The following UNC13C variants were observed in gnomAD, a reference collection of about 807,000 sequenced individuals.
UNC13C encodes the protein protein unc-13 homolog C.
In UNC13C, 174 loss-of-function variants were observed where a neutral mutation model predicts 245.4. The observed-to-expected ratio is 0.71, with a 90% CI of 0.63 to 0.80. The LOEUF (loss-of-function observed/expected upper bound fraction) is 0.80, where lower values mean the gene tolerates loss of function less well. Ranked by LOEUF, UNC13C falls within the 30% of genes least tolerant of loss-of-function variation. The pLI is 0.00. For missense variants in UNC13C, 2,829 were observed against 2,602.9 expected, an observed-to-expected ratio of 1.09 and a Z score of -1.89; for synonymous variants, 992 against 895.1, an observed-to-expected ratio of 1.11 and a Z score of -1.93.
chr15:54,385,217 G>A (rs539043802), intron 17 of UNC13C, among the ~76,000 whole-genome samples: 62 of 152,174 alleles, frequency 4.1e-4, no homozygotes, highest in Middle Eastern at 6.8e-3. Flanking sequence ...CATGGTGAAC[G>A]ATGCCCACTT....
At chr15:54,274,747 A>C (rs1056907273) in intron 10 of UNC13C, among the ~76,000 whole-genome samples, 2 of 138,720 alleles carry the variant, frequency 1.4e-5, no homozygotes, top group Non-Finnish European at 3.0e-5. Context: ...TCTCGGCTCA[A>C]TGCAAGCTCC....
At chr15:54,055,206 A>G (rs751282363) in intron 2 of UNC13C, among the ~76,000 whole-genome samples, 15 of 152,196 alleles carry the variant, frequency 9.9e-5, no homozygotes, top group Non-Finnish European at 1.8e-4. Flanking sequence ...ATCAGTTACA[A>G]TAACTCATTT....
chr15:54,512,739 T>C (rs1361994811), intron 24 of UNC13C, among the ~76,000 whole-genome samples: 1 of 152,162 alleles, frequency 6.6e-6, no homozygotes, highest in Non-Finnish European at 1.5e-5. Flanking sequence ...GGAAAGTTTA[T>C]GAGATGTGCG....
At chr15:53,925,621 G>C in the UNC13C span, among the ~76,000 whole-genome samples, 8,149 of 152,154 alleles carry the variant, frequency 0.054, 428 homozygotes, top group African/African-American at 0.13. Context: ...TATCTCTTTT[G>C]TTTACATTTT....
intron 13 of UNC13C, among the ~76,000 whole-genome samples, chr15:54,314,343 G>A (rs1294140080): frequency 2.6e-5 from 4 of 151,768 alleles, no homozygotes; most frequent in African/African-American, 7.2e-5. Context: ...TAGTGCAAAT[G>A]TTAATTAGCT....
chr15:54,023,033 T>G (rs961013649), intron 2 of UNC13C, among the ~76,000 whole-genome samples: 3 of 152,190 alleles, frequency 2.0e-5, no homozygotes. Context: ...AGTGTTTAAG[T>G]GTATTCTGGT....
chr15:54,413,408 A>T (rs531441277), intron 18 of UNC13C, among the ~76,000 whole-genome samples: 52 of 152,152 alleles, frequency 3.4e-4, no homozygotes, highest in Non-Finnish European at 6.3e-4. Flanking sequence ...CATATTAATT[A>T]CATAAAATCT....
At chr15:54,290,344 G>A (rs1178607894) in intron 10 of UNC13C, among the ~76,000 whole-genome samples, 4 of 151,946 alleles carry the variant, frequency 2.6e-5, no homozygotes, top group African/African-American at 9.7e-5. Context: ...GAAATGCTCT[G>A]TGCTATTGTT....
At chr15:54,177,770 G>C (rs1451601953) in intron 4 of UNC13C, among the ~76,000 whole-genome samples, 1 of 151,924 alleles carries the variant, frequency 6.6e-6, no homozygotes, top group Non-Finnish European at 1.5e-5. Context: ...ATCTATAGTT[G>C]TTACTCTGTA....
chr15:54,049,299 A>G, intron 2 of UNC13C: 1 of 524,060 alleles, frequency 1.9e-6, no homozygotes, highest in Non-Finnish European at 3.8e-6. Context: ...TTGGAGATGA[A>G]ATAAAGGGCC....
At chr15:54,169,295 TTC>T (rs2033296559) in intron 4 of UNC13C, among the ~76,000 whole-genome samples, 1 of 152,242 alleles carries the variant, frequency 6.6e-6, no homozygotes, top group Non-Finnish European at 1.5e-5. Context: ...ACGTTTACAT[TTC>T]TCTTAGTCAT....
At chr15:54,205,459 A>G (rs904631188) in intron 4 of UNC13C, among the ~76,000 whole-genome samples, 2 of 152,160 alleles carry the variant, frequency 1.3e-5, no homozygotes, top group South Asian at 4.1e-4. Flanking sequence ...GTTAATGGTA[A>G]AGAAAAATGA....
upstream of UNC13C, among the ~76,000 whole-genome samples, chr15:53,976,176 C>A (rs1291272121): frequency 6.6e-6 from 1 of 152,136 alleles, no homozygotes; most frequent in Admixed American, 6.5e-5. Context: ...TTATTAGCAG[C>A]CAGAGTCCCT....
At position 54,263,882 on chromosome 15, in the gene UNC13C, G is replaced by A. The variant is rs185737893; in HGVS notation, c.3449-286G>A. 2.1e-3 allele frequency among the ~76,000 whole-genome samples: 325 copies of A among 152,090 alleles called. 1 individual carries two copies. The highest frequency in any genetic ancestry group is 7.5e-3 in the African/African-American group (311 of 41,496). The stretch of plus-strand genomic sequence containing the variant: ...GTTTGCTGCTTTTGAATTCTTTTTA[G>A]AAAATTTAAACCAAATTTTTGCACA... On this transcript the variant is annotated intron_variant, in intron 8 of 32. Transcript: ENST00000260323.
intron 4 of UNC13C, among the ~76,000 whole-genome samples, chr15:54,151,773 C>A (rs538012656): frequency 4.6e-4 from 70 of 152,274 alleles, no homozygotes; most frequent in African/African-American, 1.6e-3. Flanking sequence ...GGAAGGAAAT[C>A]AGAGCTGCCA....
the UNC13C span, among the ~76,000 whole-genome samples, chr15:53,859,629 C>G: frequency 1.3e-4 from 15 of 112,256 alleles, no homozygotes; most frequent in Non-Finnish European, 3.1e-4. Context: ...TAAGTACAGG[C>G]ATACACACAC....
At position 54,018,913 on chromosome 15, in the gene UNC13C, G is replaced by T. The variant is rs534506862; in HGVS notation, c.2983+3027G>T. Among the ~76,000 whole-genome samples, 21 of 152,180 alleles carry T rather than the reference G, an allele frequency of 1.4e-4. No individual in the cohort carries two copies. In the East Asian group the frequency reaches 4.1e-3, roughly 29 times the overall value. ...TGGATAAATGCCTGAATCAAGAGAGGTGGGATACTAAATAAAAAAACACAA... is the reference window on the plus strand; with the variant it reads ...TGGATAAATGCCTGAATCAAGAGAGTTGGGATACTAAATAAAAAAACACAA... On this transcript the variant is annotated intron_variant, in intron 2 of 32. Transcript: ENST00000260323.
At chr15:54,256,899 C>T (rs1377987358) in intron 8 of UNC13C, among the ~76,000 whole-genome samples, 4 of 152,162 alleles carry the variant, frequency 2.6e-5, no homozygotes, top group African/African-American at 9.7e-5. Flanking sequence ...AATAAGGAAG[C>T]GGCCTTGTTT....
intron 19 of UNC13C, among the ~76,000 whole-genome samples, chr15:54,480,158 G>A (rs2141061010): frequency 6.6e-6 from 1 of 152,068 alleles, no homozygotes; most frequent in East Asian, 1.9e-4. Flanking sequence ...GGAAGCTTTT[G>A]GATTGAATCT....
Sources: allele counts gnomAD v4.1 joint callset (sites outside exome capture counted in the v4.1 genomes callset), GRCh38; gene constraint gnomAD v4.1.1; transcripts MANE v1.5; gene names NCBI Gene and HGNC (gene_info 2026-07-23, HGNC 2026-07-21).